Variants in PLCB1 observed in about 807,000 individuals in gnomAD.
PLCB1 encodes the protein 1-phosphatidylinositol 4,5-bisphosphate phosphodiesterase beta-1.
In PLCB1, 46 loss-of-function variants were observed where a neutral mutation model predicts 161.8. The ratio of observed to expected loss-of-function variants is 0.28; its 90% CI spans 0.22 to 0.36. The LOEUF is 0.36. Among genes scored for constraint, PLCB1 ranks in the 10% least tolerant of loss-of-function variants. The pLI, the probability that PLCB1 is intolerant of heterozygous loss-of-function variation, is 1.00. For missense variants in PLCB1, 1,016 were observed against 1,472.5 expected, an observed-to-expected ratio of 0.69 and a Z score of 5.07; for synonymous variants, 517 against 503.7, an observed-to-expected ratio of 1.03 and a Z score of -0.35.
At chr20:8,510,855 A>C (rs1983855957) in intron 3 of PLCB1, among the ~76,000 whole-genome samples, 1 of 152,092 alleles carries the variant, frequency 6.6e-6, no homozygotes, top group Admixed American at 6.5e-5. Context: ...CATTTTTTGC[A>C]ATTTTTATTT....
intron 3 of PLCB1, among the ~76,000 whole-genome samples, chr20:8,537,850 C>T (rs1985114988): frequency 6.6e-6 from 1 of 151,782 alleles, no homozygotes. Flanking sequence ...TAAACAATAA[C>T]TAATATTTTA....
intron 3 of PLCB1, among the ~76,000 whole-genome samples, chr20:8,384,250 G>C (rs1161456533): frequency 6.6e-6 from 1 of 151,598 alleles, no homozygotes; most frequent in Non-Finnish European, 1.5e-5. Context: ...AATCTTGTCT[G>C]CATGCCTTAT....
At chr20:8,878,076 C>A (rs1987841693) in intron 31 of PLCB1, among the ~76,000 whole-genome samples, 1 of 152,168 alleles carries the variant, frequency 6.6e-6, no homozygotes, top group South Asian at 2.1e-4. Flanking sequence ...TATTTTACTT[C>A]TTTTGTTAAT....
intron 2 of PLCB1, among the ~76,000 whole-genome samples, chr20:8,264,656 T>C (rs1981865988): frequency 6.6e-6 from 1 of 152,130 alleles, no homozygotes; most frequent in South Asian, 2.1e-4. Flanking sequence ...TGTTATAATC[T>C]TATGGGACCA....
At chr20:8,594,695 A>C (rs540102444) in intron 3 of PLCB1, among the ~76,000 whole-genome samples, 1 of 152,312 alleles carries the variant, frequency 6.6e-6, no homozygotes, top group Admixed American at 6.5e-5. Flanking sequence ...CCAAAAAAAA[A>C]AAAGCACTTT....
chr20:8,635,498 G>T (rs1988735424), intron 4 of PLCB1, among the ~76,000 whole-genome samples: 1 of 152,092 alleles, frequency 6.6e-6, no homozygotes, highest in Non-Finnish European at 1.5e-5. Flanking sequence ...AGCTTGCCAG[G>T]ATTCTCAGTA....
chr20:8,251,684 G>A (rs1042314861), intron 2 of PLCB1, among the ~76,000 whole-genome samples: 15 of 151,916 alleles, frequency 9.9e-5, no homozygotes, highest in Admixed American at 3.3e-4. Context: ...CTTTTAGGAG[G>A]CATCTGCTAT....
chr20:8,305,401 A>G (rs1255200539), intron 2 of PLCB1, among the ~76,000 whole-genome samples: 3 of 152,184 alleles, frequency 2.0e-5, no homozygotes, highest in African/African-American at 7.2e-5. Context: ...TTCTGAGCAA[A>G]ATACTCTTCC....
chr20:8,192,911 T>C (rs890727067), intron 2 of PLCB1, among the ~76,000 whole-genome samples: 4 of 152,056 alleles, frequency 2.6e-5, no homozygotes, highest in Admixed American at 6.6e-5. Flanking sequence ...AGGAGTGGTC[T>C]CTACCATCCA....
chr20:8,222,500 T>C (rs1979465521), intron 2 of PLCB1, among the ~76,000 whole-genome samples: 1 of 152,140 alleles, frequency 6.6e-6, no homozygotes, highest in Non-Finnish European at 1.5e-5. Flanking sequence ...GCTTTCAAAA[T>C]TTTCTCTTTA....
At chr20:8,209,009 T>G (rs1196037564) in intron 2 of PLCB1, among the ~76,000 whole-genome samples, 1 of 152,142 alleles carries the variant, frequency 6.6e-6, no homozygotes, top group Admixed American at 6.5e-5. Flanking sequence ...GGTATTAATG[T>G]GTTTGTTTCT....
chr20:8,697,886 AAAGG>A, intron 11 of PLCB1, 103 bp downstream of exon 11: 1 of 994,416 alleles, frequency 1.0e-6, no homozygotes, highest in Non-Finnish European at 1.4e-6. Context: ...AATTAAGTCC[AAAGG>A]CTGTTAATCA....
intron 10 of PLCB1, among the ~76,000 whole-genome samples, chr20:8,688,352 C>A (rs1475230759): frequency 6.6e-6 from 1 of 152,086 alleles, no homozygotes; most frequent in Non-Finnish European, 1.5e-5. Flanking sequence ...TAGGTCCCAG[C>A]CATGTATCTT....
At chr20:8,618,537 A>T (rs577669560) in intron 3 of PLCB1, among the ~76,000 whole-genome samples, 3 of 152,316 alleles carry the variant, frequency 2.0e-5, no homozygotes, top group Non-Finnish European at 4.4e-5. Context: ...TGCACTAACA[A>T]TTCTGGTGAT....
intron 31 of PLCB1, among the ~76,000 whole-genome samples, chr20:8,852,227 T>C (rs1167780092): frequency 1.3e-5 from 2 of 152,192 alleles, no homozygotes; most frequent in Non-Finnish European, 2.9e-5. Context: ...GAATATCTTT[T>C]TGCTGGTCTC....
chr20:8,853,159 A>G (rs896260027), intron 31 of PLCB1, among the ~76,000 whole-genome samples: 1 of 152,268 alleles, frequency 6.6e-6, no homozygotes, highest in Non-Finnish European at 1.5e-5. Context: ...TGGGCACATA[A>G]GGAAATAAAT....
chr20:8,415,834 C>T (rs1476120035), intron 3 of PLCB1, among the ~76,000 whole-genome samples: 1 of 152,136 alleles, frequency 6.6e-6, no homozygotes, highest in African/African-American at 2.4e-5. Context: ...GGAATGAAAA[C>T]CAAGATCCAG....
In PLCB1 at chr20:8,272,379, G is replaced by A. The variant is rs73895714; in HGVS notation, c.178-99003G>A. On this transcript the variant is annotated intron_variant, in intron 2 of 31. Coordinates refer to ENST00000338037, the MANE Select transcript of PLCB1 (RefSeq NM_015192.4). Reference sequence around the variant, plus strand: ...AAAGGTATCATAGGAAGGTACAAAAGATAGAAAAAAAATCCAAGATGGTAA... The same window carrying A: ...AAAGGTATCATAGGAAGGTACAAAAAATAGAAAAAAAATCCAAGATGGTAA... Among the ~76,000 whole-genome samples the A allele has an allele frequency of 9.0e-3, 1,369 of 151,986 alleles. 26 individuals are homozygous for A. Among genetic ancestry groups the A allele is most frequent in the African/African-American group, 0.031 (1,288 of 41,460 alleles).
Position 8,132,832 on chromosome 20 carries a change from C to T in PLCB1, c.99+82C>T. 1 of 971,360 alleles carries T rather than the reference C, an allele frequency of 1.0e-6. No homozygotes were observed. The highest frequency in any genetic ancestry group is 1.6e-6 in the Non-Finnish European group (1 of 626,328). The allele number at this position is 971,360 out of a possible 1,614,324, so 60.2% of individuals were successfully genotyped here. On this transcript the variant is annotated intron_variant, in intron 1 of 31. Transcript: ENST00000338037. The surrounding 1 kb of genome is among the most constrained non-coding windows in gnomAD (Gnocchi z 5.2). ...CGTCGTGGGGGTGGGGCAAGGGGCG[C>T]GTTATGCAATGGGCGCACTGGGAGC...
Sources: allele counts gnomAD v4.1 joint callset (sites outside exome capture counted in the v4.1 genomes callset), GRCh38; gene constraint gnomAD v4.1.1; non-coding constraint Gnocchi (gnomAD v3.1); transcripts MANE v1.5; gene names NCBI Gene and HGNC (gene_info 2026-07-23, HGNC 2026-07-21).